Variants in GMEB1 observed in about 807,000 individuals in gnomAD.
GMEB1 encodes the protein glucocorticoid modulatory element-binding protein 1.
Under a neutral mutation model 52.4 loss-of-function variants are expected in GMEB1, and 6 were observed. That is an observed-to-expected ratio of 0.11 (90% CI 0.06 to 0.23). The LOEUF is 0.23. Among genes scored for constraint, GMEB1 ranks in the 10% least tolerant of loss-of-function variants. GMEB1 has a pLI of 1.00. For missense variants in GMEB1, 486 were observed against 685.6 expected (o/e 0.71, Z 3.25); for synonymous variants, 255 against 244.9 (o/e 1.04, Z -0.38).
intron 1 of GMEB1, among the ~76,000 whole-genome samples, chr1:28,669,775 A>G (rs1327681453): frequency 2.0e-5 from 3 of 152,170 alleles, no homozygotes; most frequent in Non-Finnish European, 4.4e-5. Context: ...TGAGAGAAGC[A>G]GAGATCGTTG....
chr1:28,711,097 C>A (rs193279970), intron 9 of GMEB1, among the ~76,000 whole-genome samples: 1 of 152,068 alleles, frequency 6.6e-6, no homozygotes, highest in East Asian at 1.9e-4. Context: ...ACAATCCTGG[C>A]CAACATGGTG....
At position 28,710,650 on chromosome 1, in the gene GMEB1, T is replaced by A; in HGVS notation, c.991+8T>A. 1 of 1,547,992 alleles carries A rather than the reference T, an allele frequency of 6.5e-7. No individual in the cohort carries two copies. The highest frequency in any genetic ancestry group is 2.4e-5 in the East Asian group (1 of 42,426). ...TTCTCTATACTCTGACAGGTATGTA[T>A]AAGTTATCGCTCTTCTTCGGTGATA... On this transcript the variant is annotated splice_region_variant and intron_variant, in intron 9 of 9. Transcript: ENST00000373816.
intron 6 of GMEB1, among the ~76,000 whole-genome samples, chr1:28,697,389 G>A (rs1305743788): frequency 1.3e-5 from 2 of 151,562 alleles, no homozygotes; most frequent in African/African-American, 4.8e-5. Flanking sequence ...TGTATTTTTA[G>A]TACAAACAGG....
intron 1 of GMEB1, among the ~76,000 whole-genome samples, chr1:28,670,866 G>A (rs1375990492): frequency 6.6e-6 from 1 of 151,800 alleles, no homozygotes; most frequent in African/African-American, 2.4e-5. Flanking sequence ...ATTTTTTTTG[G>A]GTTCCTATTT....
intron 8 of GMEB1, among the ~76,000 whole-genome samples, chr1:28,706,985 T>G (rs1237587345): frequency 1.6e-5 from 2 of 126,824 alleles, no homozygotes; most frequent in Non-Finnish European, 3.3e-5. Flanking sequence ...TGGTTTTTTT[T>G]TTTTTTTTTT....
Position 28,702,971 on chromosome 1 carries a change from C to T in GMEB1, c.730+402C>T, listed in dbSNP as rs554932607. Among the ~76,000 whole-genome samples, 12 of 152,172 alleles carry T rather than the reference C, an allele frequency of 7.9e-5. No individual in the cohort carries two copies. In the East Asian group the frequency reaches 9.6e-4, roughly 12 times the overall value. ...TCGGGAGCTTGCAGTGAGCCGAGAT[C>T]GCGCCACTGCACTCCAGCCTGGGCG... On this transcript the variant is annotated intron_variant, in intron 7 of 9. Coordinates refer to ENST00000373816, the MANE Select transcript of GMEB1 (RefSeq NM_001319674.2).
rs576114138 is a variant in GMEB1 at position 28,719,191 on chromosome 1, G to C, written c.*4418G>C. On this transcript the variant is annotated 3_prime_UTR_variant, in exon 10 of 10. Transcript: ENST00000373816. ...TTCCTGCCATATGGTTTCCACGAAG[G>C]CCTGAGAGTCAGCTGTACAACTGTC... The C allele has an allele frequency of 6.6e-6, 1 of 152,436 alleles. No homozygotes were observed. Among genetic ancestry groups the C allele is most frequent in the South Asian group, 2.1e-4 (1 of 4,832 alleles). 9.4% of individuals were successfully genotyped at this position (152,436 alleles called of 1,614,324 possible).
intron 3 of GMEB1, among the ~76,000 whole-genome samples, chr1:28,691,275 G>C (rs1354697073): frequency 6.6e-6 from 1 of 152,070 alleles, no homozygotes; most frequent in Non-Finnish European, 1.5e-5. Flanking sequence ...TCCAGCCTGG[G>C]TGACAGAGTG....
In GMEB1 at chr1:28,714,883, A is replaced by AC; in HGVS notation, c.*110_*111insC. The AC allele has an allele frequency of 1.3e-6, 1 of 788,338 alleles. No homozygotes were observed. Among genetic ancestry groups the AC allele is most frequent in the Non-Finnish European group, 2.0e-6 (1 of 507,282 alleles). The allele number at this position is 788,338 out of a possible 1,614,324, so 48.8% of individuals were successfully genotyped here. On this transcript the variant is annotated 3_prime_UTR_variant, in exon 10 of 10. Coordinates refer to ENST00000373816, the MANE Select transcript of GMEB1 (RefSeq NM_001319674.2). ...CATAGGACCCTTTTTTAAAAAAAAA[A>AC]AAACAAAATCTTATTGTTGTAACTG...
chr1:28,690,703 G>A (rs1209338374), intron 3 of GMEB1, among the ~76,000 whole-genome samples: 1 of 152,076 alleles, frequency 6.6e-6, no homozygotes. Context: ...ACATCTGGTC[G>A]AGCGCAGTGG....
At chr1:28,700,569 C>T (rs898289487) in intron 6 of GMEB1, among the ~76,000 whole-genome samples, 35 of 150,128 alleles carry the variant, frequency 2.3e-4, no homozygotes, top group African/African-American at 8.4e-4. Flanking sequence ...CCTGTAATCC[C>T]AGCTACTCAG....
intron 1 of GMEB1, among the ~76,000 whole-genome samples, chr1:28,672,755 T>G (rs959906104): frequency 2.0e-5 from 3 of 148,006 alleles, no homozygotes; most frequent in Non-Finnish European, 4.5e-5. Flanking sequence ...TTTTTTTTTT[T>G]GTTTTGACGG....
intron 1 of GMEB1, among the ~76,000 whole-genome samples, chr1:28,677,432 T>C (rs1669208681): frequency 6.6e-6 from 1 of 152,094 alleles, no homozygotes; most frequent in Admixed American, 6.6e-5. Flanking sequence ...CTCCTGACTT[T>C]GCGATCCGCC....
intron 7 of GMEB1, among the ~76,000 whole-genome samples, chr1:28,703,632 C>G (rs1458846298): frequency 1.3e-5 from 2 of 151,490 alleles, no homozygotes; most frequent in Non-Finnish European, 2.9e-5. Flanking sequence ...TGCACTCCAG[C>G]CTGGGCAACA....
At position 28,714,512 on chromosome 1, in the gene GMEB1, C is replaced by T. The variant is rs759168365; in HGVS notation, c.1431C>T (p.Asn477=). ...TGCAGGATGGGAGTACACTGGGCAA[C>T]ATGACCACCATGGTTAGCCCTGTGG... is the stretch of plus-strand genomic sequence containing the variant. ...TAMQDGSTLG[N]MTTMVSPVEL... The change falls in exon 10 of 10, where the codon AAC becomes AAT. Residue 477 remains asparagine (N), a synonymous_variant. Transcript: ENST00000373816. The T allele has an allele frequency of 1.4e-5, 22 of 1,614,186 alleles. No homozygotes were observed. In the East Asian group the frequency reaches 4.7e-4, roughly 34 times the overall value.
chr1:28,697,409 T>C (rs770836467), intron 6 of GMEB1, among the ~76,000 whole-genome samples: 3 of 151,962 alleles, frequency 2.0e-5, no homozygotes, highest in Non-Finnish European at 4.4e-5. Context: ...GGTTTCTCCA[T>C]GTTGATCATG....
chr1:28,705,789 T>C (rs1055141445), intron 8 of GMEB1, among the ~76,000 whole-genome samples: 1 of 151,958 alleles, frequency 6.6e-6, no homozygotes, highest in African/African-American at 2.4e-5. Context: ...ACATTCATTA[T>C]GTGGTATGTC....
At position 28,690,203 on chromosome 1, in the gene GMEB1, GT is replaced by G. The variant is rs878890649; in HGVS notation, c.211+38del. On this transcript the variant is annotated intron_variant, in intron 3 of 9. Transcript: ENST00000373816. ...AAGGGATTGGTAAGGGTTTTTTTGT[GT>G]TTTTTTTTTTTTTTTTTTTTGTCAT... 44,782 of 508,730 alleles carry G rather than the reference GT, an allele frequency of 0.088. 642 individuals are homozygous for G. Among genetic ancestry groups the G allele is most frequent in the East Asian group, 0.16 (4,014 of 25,816 alleles). The allele number at this position is 508,730 out of a possible 1,614,324, so 31.5% of individuals were successfully genotyped here.
Position 28,690,203 on chromosome 1 carries a change from G to GTTTTTTTTTTTTTTTT in GMEB1, c.211+23_211+38dup, listed in dbSNP as rs878890649. On this transcript the variant is annotated intron_variant, in intron 3 of 9. Transcript: ENST00000373816. Reference sequence around the variant, plus strand: ...AAGGGATTGGTAAGGGTTTTTTTGTGTTTTTTTTTTTTTTTTTTTTTGTCA... The same window carrying GTTTTTTTTTTTTTTTT: ...AAGGGATTGGTAAGGGTTTTTTTGTGTTTTTTTTTTTTTTTTTTTTTTTTTTTTTTTTTTTTTGTCA... 12 of 516,154 alleles carry GTTTTTTTTTTTTTTTT rather than the reference G, an allele frequency of 2.3e-5. No individual in the cohort carries two copies. The highest frequency in any genetic ancestry group is 8.6e-5 in the Admixed American group (2 of 23,190). The allele number at this position is 516,154 out of a possible 1,614,324, so 32.0% of individuals were successfully genotyped here.
Sources: allele counts gnomAD v4.1 joint callset (sites outside exome capture counted in the v4.1 genomes callset), GRCh38; gene constraint gnomAD v4.1.1; transcripts MANE v1.5; gene names NCBI Gene and HGNC (gene_info 2026-07-23, HGNC 2026-07-21).